The following HSPH1 variants were observed in gnomAD, a reference collection of about 807,000 sequenced individuals.
The protein encoded by HSPH1 is heat shock protein family H (Hsp110) member 1.
HSPH1 carries 40 observed loss-of-function variants against 100.0 expected under a neutral mutation model. That is an observed-to-expected ratio of 0.40 (90% CI 0.31 to 0.52). The LOEUF (loss-of-function observed/expected upper bound fraction) is 0.52. Ranked by LOEUF, HSPH1 falls within the 20% of genes least tolerant of loss-of-function variation. HSPH1 has a pLI of 0.54. For synonymous variants in HSPH1, 403 were observed against 344.0 expected, an observed-to-expected ratio of 1.17 and a Z score of -1.90; for missense variants, 876 against 1,015.1, an observed-to-expected ratio of 0.86 and a Z score of 1.86.
intron 1 of HSPH1, among the ~76,000 whole-genome samples, chr13:31,160,940 G>A (rs1298697318): frequency 6.6e-6 from 1 of 152,242 alleles, no homozygotes; most frequent in Non-Finnish European, 1.5e-5. Flanking sequence ...TGGACAAGCA[G>A]CGACACAAGC....
upstream of HSPH1, chr13:31,162,262 T>C: frequency 1.5e-6 from 1 of 677,740 alleles, no homozygotes; most frequent in Non-Finnish European, 2.5e-6. Context: ...TCCTTAACGC[T>C]AAAGGGAGGC....
At chr13:31,143,273 G>A (rs552575167) in intron 12 of HSPH1, among the ~76,000 whole-genome samples, 1 of 152,238 alleles carries the variant, frequency 6.6e-6, no homozygotes, top group East Asian at 1.9e-4. Flanking sequence ...ATTTAAGTTA[G>A]CTTCCAATAC....
chr13:31,156,963 G>A (rs1208177102), intron 2 of HSPH1, among the ~76,000 whole-genome samples: 2 of 152,228 alleles, frequency 1.3e-5, no homozygotes, highest in East Asian at 1.9e-4. Context: ...TACCTCATTT[G>A]AAACAAGAAA....
intron 4 of HSPH1, chr13:31,154,403 T>C (rs1593206538): frequency 3.5e-6 from 2 of 567,490 alleles, no homozygotes; most frequent in Non-Finnish European, 6.3e-6. Context: ...AATCTGTATT[T>C]TCAAAAAGTC....
Position 31,137,350 on chromosome 13 carries a change from CATT to C in HSPH1, c.2542_2544del (p.Asn848del). On this transcript the variant is annotated inframe_deletion, in exon 18 of 18. Coordinates refer to ENST00000320027, the MANE Select transcript of HSPH1 (RefSeq NM_006644.4). ...AAGTCCATATTAACAGAATTTTTCT[CATT>C]AGGGTAACATTCACCATTCTGATGT... 2 of 1,611,962 alleles carry C rather than the reference CATT, an allele frequency of 1.2e-6. No individual in the cohort carries two copies. Among genetic ancestry groups the C allele is most frequent in the Non-Finnish European group, 8.5e-7 (1 of 1,178,786 alleles).
At chr13:31,138,979 T>C (rs1201072811) in intron 15 of HSPH1, 21 bp downstream of exon 15, 1 of 1,594,248 alleles carries the variant, frequency 6.3e-7, no homozygotes. Context: ...GTACCACCTT[T>C]TGGGGGAGAA....
chr13:31,158,792 C>G lies in HSPH1; in HGVS notation c.165+14G>C. On this transcript the variant is annotated intron_variant, in intron 2 of 17. Coordinates refer to ENST00000320027, the MANE Select transcript of HSPH1 (RefSeq NM_006644.4). ...CCCCTTAAAAAGTGATCCGAATTCT[C>G]TTAAAGAACATACCTGATTTTTGGC... The G allele has an allele frequency of 6.3e-7, 1 of 1,577,350 alleles. No homozygotes were observed. The highest frequency in any genetic ancestry group is 8.7e-7 in the Non-Finnish European group (1 of 1,146,658).
intron 10 of HSPH1, among the ~76,000 whole-genome samples, 172 bp from the exon 11 acceptor site, chr13:31,145,940 A>C (rs1956252199): frequency 1.3e-5 from 2 of 152,058 alleles, no homozygotes; most frequent in African/African-American, 4.8e-5. Context: ...AGATAGTGAG[A>C]TCTGTCTCTA....
intron 8 of HSPH1, among the ~76,000 whole-genome samples, chr13:31,149,401 T>C (rs1453120363): frequency 6.6e-6 from 1 of 152,172 alleles, no homozygotes; most frequent in African/African-American, 2.4e-5. Flanking sequence ...GACTATAATA[T>C]CCTAAATATA....
At chr13:31,155,325 T>C (rs915202438) in intron 3 of HSPH1, among the ~76,000 whole-genome samples, 189 bp downstream of exon 3, 3 of 152,180 alleles carry the variant, frequency 2.0e-5, no homozygotes, top group African/African-American at 7.2e-5. Context: ...TTATAGCATA[T>C]ATATTACCAT....
chr13:31,152,265 C>T (rs969033905), intron 5 of HSPH1: 2 of 152,266 alleles, frequency 1.3e-5, no homozygotes, highest in African/African-American at 2.4e-5. Context: ...TTTCCAAAAA[C>T]CTAACAGAAA....
rs746378677 is a variant in HSPH1, at chr13:31,143,776, T to C, written c.1716+16A>G. 4 of 1,601,072 alleles carry C rather than the reference T, an allele frequency of 2.5e-6. No individual in the cohort carries two copies. The highest frequency in any genetic ancestry group is 1.3e-5 in the African/African-American group (1 of 74,178). On this transcript the variant is annotated intron_variant, in intron 12 of 17. Coordinates refer to ENST00000320027, the MANE Select transcript of HSPH1 (RefSeq NM_006644.4). ...TGCAACATTGTCTAATGGAATGAACTAGAAGAGTCACTCACTTTGTCAGCA... is the reference window on the plus strand; with the variant it reads ...TGCAACATTGTCTAATGGAATGAACCAGAAGAGTCACTCACTTTGTCAGCA...
Position 31,137,397 on chromosome 13 carries a change from T to C in HSPH1, c.2498A>G (p.Asn833Ser), listed in dbSNP as rs373752277. 3.7e-6 allele frequency: 6 copies of C among 1,613,566 alleles called. No individual in the cohort carries two copies. Among genetic ancestry groups the C allele is most frequent in the Non-Finnish European group, 3.4e-6 (4 of 1,179,626 alleles). Residue 833 changes from asparagine (N) to serine (S), a missense_variant, in exon 18 of 18, where the codon AAT becomes AGT. Coordinates refer to ENST00000320027, the MANE Select transcript of HSPH1 (RefSeq NM_006644.4). ...KKEEDLEDKN[N>S]FGAEPPHQNG... ...CTGATGTGGAGGTTCAGCACCAAAA[T>C]TGTTTTTGTCTTCTAAATCTTCTTC...
intron 3 of HSPH1, 77 bp downstream of exon 3, chr13:31,155,437 A>T: frequency 8.5e-7 from 1 of 1,178,990 alleles, no homozygotes; most frequent in Non-Finnish European, 1.2e-6. Flanking sequence ...TAAGAAATTT[A>T]AGTAATAACT....
At position 31,151,087 on chromosome 13, in the gene HSPH1, T is replaced by C; in HGVS notation, c.768A>G (p.Ala256=). The change falls in exon 7 of 18, where the codon GCA becomes GCG. Residue 256 remains alanine, a synonymous_variant. Transcript: ENST00000320027. ...GTAGGAGTGCTCGTATTTTGGATTT[T>C]GCATCCAACTTGTACTTAGTTTTAA... ...AEFKTKYKLD[A]KSKIRALLRL... is the part of the protein sequence containing the mutation. 1 of 1,613,864 alleles carries C rather than the reference T, an allele frequency of 6.2e-7. No homozygotes were observed. Among genetic ancestry groups the C allele is most frequent in the Non-Finnish European group, 8.5e-7 (1 of 1,179,830 alleles).
chr13:31,149,924 C>A lies in HSPH1; in HGVS notation c.1137+30G>T, dbSNP rs530742923. 12 of 1,559,602 alleles carry A rather than the reference C, an allele frequency of 7.7e-6. No individual in the cohort carries two copies. In the East Asian group the frequency reaches 2.7e-4, roughly 35 times the overall value. ...CAGTGGAAACTGTTTAAAGACTGTA[C>A]ACCAAGCAAAAGCAGAGTTGAGAAA... On this transcript the variant is annotated intron_variant, in intron 8 of 17. Transcript: ENST00000320027.
chr13:31,144,791 C>G (rs1455358433), intron 11 of HSPH1, among the ~76,000 whole-genome samples: 1 of 152,124 alleles, frequency 6.6e-6, no homozygotes, highest in Non-Finnish European at 1.5e-5. Context: ...ATATGGCACT[C>G]ATCATTTAAC....
chr13:31,135,400 A>G lies in HSPH1; in HGVS notation c.*1918T>C, dbSNP rs1429788934. 1 of 152,254 alleles carries G rather than the reference A, an allele frequency of 6.6e-6. No homozygotes were observed. The highest frequency in any genetic ancestry group is 6.5e-5 in the Admixed American group (1 of 15,290). 9.4% of individuals were successfully genotyped at this position (152,254 alleles called of 1,614,324 possible). On this transcript the variant is annotated 3_prime_UTR_variant, in exon 18 of 18. Transcript: ENST00000320027. ...AAGTATACATTAATGTGCATTAAAG[A>G]CATTCAGAAAACATAAAAACCAAAG...
Position 31,139,104 on chromosome 13 carries a change from G to A in HSPH1, c.1984C>T (p.His662Tyr), listed in dbSNP as rs1429595245. 1 of 1,582,976 alleles carries A rather than the reference G, an allele frequency of 6.3e-7. No homozygotes were observed. Among genetic ancestry groups the A allele is most frequent in the Non-Finnish European group, 8.7e-7 (1 of 1,152,054 alleles). Residue 662 changes from histidine to tyrosine, a missense_variant, in exon 15 of 18, where the codon CAT becomes TAT. His to Tyr is a moderately conservative substitution (Grantham distance 83). Coordinates refer to ENST00000320027, the MANE Select transcript of HSPH1 (RefSeq NM_006644.4). ...PYEKFICEQD[H>Y]QNFLRLLTET... The stretch of plus-strand genomic sequence containing the variant: ...GTGAGGAGTCTCAAAAAATTTTGAT[G>A]ATCCTTAACACAAAATATGACAATA...
Sources: gnomAD v4.1 joint callset for allele counts (sites outside exome capture counted in the v4.1 genomes callset) on GRCh38, gnomAD v4.1.1 for gene constraint, MANE v1.5 for transcripts, NCBI Gene and HGNC (gene_info 2026-07-23, HGNC 2026-07-21) for gene names.